Variants in LAMB1 observed in about 807,000 individuals in gnomAD.
The protein encoded by LAMB1 is laminin subunit beta-1.
LAMB1 carries 121 observed loss-of-function variants against 222.3 expected under a neutral mutation model. The ratio of observed to expected loss-of-function variants is 0.54; its 90% CI spans 0.47 to 0.63. The LOEUF is 0.63. Ranked by LOEUF, LAMB1 falls within the 30% of genes least tolerant of loss-of-function variation. The pLI is 0.00. For missense variants in LAMB1, 2,172 were observed against 2,240.8 expected, an observed-to-expected ratio of 0.97 and a Z score of 0.62; for synonymous variants, 794 against 807.2, an observed-to-expected ratio of 0.98 and a Z score of 0.28.
Position 108,001,818 on chromosome 7 carries a change from T to C in LAMB1, c.38-85A>G, listed in dbSNP as rs555144955. Reference sequence around the variant, plus strand: ...AAACGAACAAGCGGGGGCGGGGGAGTGGGTGCGGAGAGAGGACAGTCCATT... The same window carrying C: ...AAACGAACAAGCGGGGGCGGGGGAGCGGGTGCGGAGAGAGGACAGTCCATT... On this transcript the variant is annotated intron_variant, in intron 2 of 33. Coordinates refer to ENST00000222399, the MANE Select transcript of LAMB1 (RefSeq NM_002291.3). 8.8e-5 allele frequency: 137 copies of C among 1,554,212 alleles called. 4 individuals carry two copies. The South Asian group carries it at 1.0e-3, about 12-fold the overall frequency.
At chr7:107,997,924 C>T (rs2034310996) in intron 4 of LAMB1, among the ~76,000 whole-genome samples, 1 of 151,998 alleles carries the variant, frequency 6.6e-6, no homozygotes, top group Non-Finnish European at 1.5e-5. Context: ...CTATTACTAT[C>T]AAGACACTTT....
chr7:107,995,453 C>G (rs2034264436), intron 4 of LAMB1, among the ~76,000 whole-genome samples: 1 of 152,236 alleles, frequency 6.6e-6, no homozygotes, highest in Admixed American at 6.5e-5. Flanking sequence ...AAATAAGAGT[C>G]TACCACATAT....
rs566825270 is a variant in LAMB1 at position 107,992,282 on chromosome 7, C to T, written c.423+2605G>A. Among the ~76,000 whole-genome samples, 3 of 152,316 alleles carry T rather than the reference C, an allele frequency of 2.0e-5. No homozygotes were observed. In the East Asian group the frequency reaches 5.8e-4, roughly 29 times the overall value. On this transcript the variant is annotated intron_variant, in intron 5 of 33. Coordinates refer to ENST00000222399, the MANE Select transcript of LAMB1 (RefSeq NM_002291.3). ...AAAATTAATCTCACCCTCCTCCAGG[C>T]TAACAAAGATTGTCTGAACTTCTGT...
intron 24 of LAMB1, among the ~76,000 whole-genome samples, chr7:107,948,493 T>C (rs1043257878): frequency 1.3e-5 from 2 of 152,142 alleles, no homozygotes; most frequent in African/African-American, 4.8e-5. Context: ...CTTAGGGTAT[T>C]TTCACTTATG....
intron 3 of LAMB1, among the ~76,000 whole-genome samples, chr7:108,000,288 C>A (rs2034357866): frequency 6.6e-6 from 1 of 152,088 alleles, no homozygotes; most frequent in Admixed American, 6.5e-5. Flanking sequence ...AACCTGGAAG[C>A]AAATGAACGG....
At position 107,975,834 on chromosome 7, in the gene LAMB1, C is replaced by T; in HGVS notation, c.1044G>A (p.Met348Ile). The T allele has an allele frequency of 6.2e-7, 1 of 1,614,038 alleles. No homozygotes were observed. Among genetic ancestry groups the T allele is most frequent in the Non-Finnish European group, 8.5e-7 (1 of 1,180,012 alleles). Residue 348 changes from methionine to isoleucine, a missense_variant, in exon 10 of 34, where the codon ATG (methionine) becomes ATA (isoleucine). Transcript: ENST00000222399. Reference sequence around the variant, plus strand: ...CGTTCCCCGTGGCCAGGTAAACAGCCATGTCAAAGTGACAAGAGATGGAAT... The same window carrying T: ...CGTTCCCCGTGGCCAGGTAAACAGCTATGTCAAAGTGACAAGAGATGGAAT... ...NEHSISCHFD[M>I]AVYLATGNVS...
intron 8 of LAMB1, 21 bp from the exon 9 acceptor site, chr7:107,978,188 G>T: frequency 6.2e-7 from 1 of 1,612,134 alleles, no homozygotes; most frequent in Non-Finnish European, 8.5e-7. Flanking sequence ...ATAAAAACAG[G>T]AGAGAACAAA....
intron 25 of LAMB1, among the ~76,000 whole-genome samples, chr7:107,939,130 G>T (rs1257151284): frequency 6.6e-6 from 1 of 152,190 alleles, no homozygotes; most frequent in Non-Finnish European, 1.5e-5. Context: ...AGCATCTAGG[G>T]AAGCACAGAT....
intron 24 of LAMB1, among the ~76,000 whole-genome samples, chr7:107,950,923 GGTGTGTGT>G (rs57060477): frequency 0.015 from 2,256 of 147,824 alleles, 22 homozygotes; most frequent in Middle Eastern, 0.076. Flanking sequence ...GTGTATTTGT[GGTGTGTGT>G]GTGTGTGTGT....
Position 107,980,851 on chromosome 7 carries a change from A to T in LAMB1, c.677-40T>A, listed in dbSNP as rs371048558. 5.3e-6 allele frequency: 7 copies of T among 1,319,694 alleles called. No homozygotes were observed. In the African/African-American group the frequency reaches 9.0e-5, roughly 17 times the overall value. 81.7% of individuals were successfully genotyped at this position (1,319,694 alleles called of 1,614,324 possible). On this transcript the variant is annotated intron_variant, in intron 7 of 33. Coordinates refer to ENST00000222399, the MANE Select transcript of LAMB1 (RefSeq NM_002291.3). ...AAGAAGATGAAAAGTCTGATCAGAC[A>T]AGCAAGAAGTTTTTTTTTTTTTCCT...
At position 107,935,343 on chromosome 7, in the gene LAMB1, CTTTGTTTTTTTTTT is replaced by C. The variant is rs1190318001; in HGVS notation, c.4188+58_4188+71del. On this transcript the variant is annotated intron_variant, in intron 27 of 33. Coordinates refer to ENST00000222399, the MANE Select transcript of LAMB1 (RefSeq NM_002291.3). ...TAATGACAAAAGATGGTTTGTTTTT[CTTTGTTTTTTTTTT>C]TTTTTTTTTTTTTTTTGCTTGGCAC... is the stretch of plus-strand genomic sequence containing the variant. 5,362 of 1,371,732 alleles carry C rather than the reference CTTTGTTTTTTTTTT, an allele frequency of 3.9e-3. 111 individuals are homozygous for C. The African/African-American group carries it at 0.11, about 29-fold the overall frequency. 85.0% of individuals were successfully genotyped at this position (1,371,732 alleles called of 1,614,324 possible). A position where few individuals can be genotyped will look rare whatever the true frequency, so the allele number is the denominator to read the frequency against.
chr7:107,991,727 G>A (rs1380502785), intron 5 of LAMB1, among the ~76,000 whole-genome samples: 1 of 152,020 alleles, frequency 6.6e-6, no homozygotes, highest in Non-Finnish European at 1.5e-5. Context: ...TGGCCAATAT[G>A]GTGAAACCCT....
chr7:107,941,299 C>T (rs1480854557), intron 24 of LAMB1, among the ~76,000 whole-genome samples: 2 of 152,226 alleles, frequency 1.3e-5, no homozygotes, highest in Admixed American at 6.5e-5. Context: ...CAACATCTGA[C>T]ATTTGAAAGT....
Position 107,935,656 on chromosome 7 carries a change from C to T in LAMB1, c.3947G>A (p.Gly1316Asp), listed in dbSNP as rs2032831290. The T allele has an allele frequency of 1.9e-6, 3 of 1,613,338 alleles. No homozygotes were observed. Among genetic ancestry groups the T allele is most frequent in the Admixed American group, 1.7e-5 (1 of 59,960 alleles). The stretch of plus-strand genomic sequence containing the variant: ...ATACTTGGTAATGCTATCCAAGGCA[C>T]CTAGGGTAGGAAATGAAATTGCCCA... ...LEFIKNSDIRGALDSITKYFQ... is the reference protein window; with the variant it reads ...LEFIKNSDIRDALDSITKYFQ... Residue 1316 changes from glycine to aspartate, a missense_variant and splice_region_variant, in exon 27 of 34, where the codon GGT (glycine) becomes GAT (aspartate). Coordinates refer to ENST00000222399, the MANE Select transcript of LAMB1 (RefSeq NM_002291.3).
At chr7:107,940,387 TCTA>T in intron 24 of LAMB1, 29 bp from the exon 25 acceptor site, 1 of 1,592,386 alleles carries the variant, frequency 6.3e-7, no homozygotes, top group South Asian at 1.1e-5. Flanking sequence ...TGCTAGCTGA[TCTA>T]CTTAATCATG....
intron 9 of LAMB1, 96 bp downstream of exon 9, chr7:107,977,951 C>T (rs1383546323): frequency 7.9e-6 from 11 of 1,398,158 alleles, no homozygotes; most frequent in Non-Finnish European, 1.1e-5. Flanking sequence ...AACTTTTCTA[C>T]CCTCTGCAAA....
At chr7:108,001,531 G>A in intron 3 of LAMB1, 27 bp downstream of exon 3, 1 of 1,561,696 alleles carries the variant, frequency 6.4e-7, no homozygotes, top group Non-Finnish European at 8.7e-7. Flanking sequence ...CGCTAGCAGA[G>A]CCTCGAACCC....
intron 31 of LAMB1, among the ~76,000 whole-genome samples, chr7:107,927,302 TTC>T (rs1178111436): frequency 6.6e-6 from 1 of 152,146 alleles, no homozygotes; most frequent in African/African-American, 2.4e-5. Flanking sequence ...TAGTTAGAGG[TTC>T]TCTTTGTTTC....
chr7:107,983,746 G>A (rs987462098), intron 7 of LAMB1, among the ~76,000 whole-genome samples: 1 of 151,880 alleles, frequency 6.6e-6, no homozygotes, highest in Non-Finnish European at 1.5e-5. Flanking sequence ...TCAAACTCCT[G>A]ACCTCGTGAT....
Sources: allele counts gnomAD v4.1 joint callset (sites outside exome capture counted in the v4.1 genomes callset), GRCh38; gene constraint gnomAD v4.1.1; transcripts MANE v1.5; gene names NCBI Gene and HGNC (gene_info 2026-07-23, HGNC 2026-07-21).